NID2: variants seen among roughly 807,000 people sequenced by gnomAD.
NID2 encodes the protein nidogen 2.
NID2 carries 83 observed loss-of-function variants against 145.4 expected under a neutral mutation model. That is an observed-to-expected ratio of 0.57 (90% CI 0.48 to 0.69). The LOEUF (loss-of-function observed/expected upper bound fraction) is 0.69, where lower values mean the gene tolerates loss of function less well. Among genes scored for constraint, NID2 ranks in the 30% least tolerant of loss-of-function variants. The pLI is 0.00. For missense variants in NID2, 1,807 were observed against 1,765.7 expected, an observed-to-expected ratio of 1.02 and a Z score of -0.42; for synonymous variants, 739 against 701.3, an observed-to-expected ratio of 1.05 and a Z score of -0.85.
intron 9 of NID2, among the ~76,000 whole-genome samples, chr14:52,035,846 A>ATT (rs1172988062): frequency 2.3e-5 from 3 of 128,638 alleles, no homozygotes; most frequent in African/African-American, 9.7e-5. Context: ...ACCTGGCTAA[A>ATT]TTTTTTTGTG....
chr14:52,015,229 G>GT lies in NID2; in HGVS notation c.3074dup (p.Asn1025LysfsTer13). On this transcript the variant is annotated frameshift_variant, in exon 15 of 22. Transcript: ENST00000216286. LOFTEE classifies it high-confidence loss of function. ...GGGTGCCACCGTAGTGCTCCAGCAGGTTTTCCCTCCAGCGCTCACAGATGG... is the reference window on the plus strand; with the variant it reads ...GGGTGCCACCGTAGTGCTCCAGCAGGTTTTTCCCTCCAGCGCTCACAGATGG... The GT allele has an allele frequency of 6.2e-7, 1 of 1,613,776 alleles. No homozygotes were observed. The highest frequency in any genetic ancestry group is 8.5e-7 in the Non-Finnish European group (1 of 1,179,690).
At chr14:52,021,068 G>A (rs1357783152) in intron 12 of NID2, among the ~76,000 whole-genome samples, 3 of 151,824 alleles carry the variant, frequency 2.0e-5, no homozygotes, top group African/African-American at 4.8e-5. Flanking sequence ...TAACGCCCAA[G>A]GGATGAGATA....
At chr14:52,043,688 A>G (rs1025323098) in intron 5 of NID2, among the ~76,000 whole-genome samples, 3 of 152,132 alleles carry the variant, frequency 2.0e-5, no homozygotes, top group East Asian at 1.9e-4. Flanking sequence ...TTTCCTACTT[A>G]TTCTGCCCAT....
chr14:52,017,492 C>T (rs981251593), intron 14 of NID2, among the ~76,000 whole-genome samples: 2 of 152,082 alleles, frequency 1.3e-5, no homozygotes, highest in Non-Finnish European at 1.5e-5. Flanking sequence ...ACCCTATTTT[C>T]GTCATTCACT....
At chr14:52,006,352 A>G in intron 20 of NID2, 185 bp downstream of exon 20, 3 of 617,544 alleles carry the variant, frequency 4.9e-6, no homozygotes, top group Non-Finnish European at 8.4e-6. Context: ...TAAAAGGATG[A>G]TTTCAAAAAC....
At chr14:52,017,523 C>A (rs112824593) in intron 14 of NID2, among the ~76,000 whole-genome samples, 5,313 of 151,936 alleles carry the variant, frequency 0.035, 111 homozygotes, top group Middle Eastern at 0.054. Context: ...TTGGTTCCCC[C>A]CCCTTTAAAA....
At chr14:52,010,641 A>G (rs1401918364) in intron 18 of NID2, 7 of 444,090 alleles carry the variant, frequency 1.6e-5, no homozygotes, top group Non-Finnish European at 2.9e-5. Flanking sequence ...ACAGACTAAT[A>G]TTGTTTATAC....
At chr14:52,021,890 G>A (rs986178344) in intron 12 of NID2, among the ~76,000 whole-genome samples, 3 of 152,158 alleles carry the variant, frequency 2.0e-5, no homozygotes, top group African/African-American at 7.2e-5. Flanking sequence ...GGGCAAAACT[G>A]GTGACCATCC....
rs752367669 is a variant in NID2 at position 52,005,820 on chromosome 14, CTATGTT to C, written c.4028_4033del (p.Lys1343_His1344del). On this transcript the variant is annotated inframe_deletion, in exon 21 of 22. Coordinates refer to ENST00000216286, the MANE Select transcript of NID2 (RefSeq NM_007361.4). The stretch of plus-strand genomic sequence containing the variant: ...GAGATACTCATCAGTAAACTGGCCA[CTATGTT>C]TATTTACTGATACAACACCATCCCT... 48 of 1,613,414 alleles carry C rather than the reference CTATGTT, an allele frequency of 3.0e-5. No homozygotes were observed. The highest frequency in any genetic ancestry group is 4.1e-5 in the Non-Finnish European group (48 of 1,179,424).
intron 6 of NID2, 92 bp from the exon 7 acceptor site, chr14:52,042,442 A>T: frequency 7.0e-7 from 1 of 1,431,982 alleles, no homozygotes; most frequent in Non-Finnish European, 9.4e-7. Flanking sequence ...AACTTCCAAA[A>T]CTCACTCTTT....
chr14:52,060,437 A>G (rs533695381), intron 2 of NID2, 81 bp from the exon 3 acceptor site: 4 of 760,296 alleles, frequency 5.3e-6, no homozygotes, highest in Non-Finnish European at 7.8e-6. Context: ...AAAGAAACAG[A>G]ATGCAAGCAA....
At chr14:52,007,725 G>C in intron 19 of NID2, 85 bp downstream of exon 19, 1 of 1,186,486 alleles carries the variant, frequency 8.4e-7, no homozygotes, top group Non-Finnish European at 1.2e-6. Flanking sequence ...CTAAGTGATG[G>C]GATTTCATTT....
At position 52,011,642 on chromosome 14, in the gene NID2, C is replaced by A. The variant is rs750278935; in HGVS notation, c.3462G>T (p.Arg1154Ser). ...CAGCAACATCTGTCCAGTACACCAT[C>A]CTCTCCCGGCAGTCGTAATCAATTC... ...IVGIDYDCRE[R>S]MVYWTDVAGR... The change falls in exon 17 of 22, where the codon AGG (arginine) becomes AGT (serine). Residue 1154 changes from arginine (R) to serine (S), a missense_variant. By Grantham distance (110) the Arg-to-Ser change is moderately radical. Coordinates refer to ENST00000216286, the MANE Select transcript of NID2 (RefSeq NM_007361.4). 3 of 1,614,208 alleles carry A rather than the reference C, an allele frequency of 1.9e-6. No homozygotes were observed. Among genetic ancestry groups the A allele is most frequent in the Non-Finnish European group, 2.5e-6 (3 of 1,180,028 alleles).
chr14:52,011,740 C>T, intron 16 of NID2, 57 bp from the exon 17 acceptor site: 1 of 1,601,914 alleles, frequency 6.2e-7, no homozygotes, highest in Non-Finnish European at 8.5e-7. Flanking sequence ...CCTTTGTTCA[C>T]ACTCAGCTGC....
chr14:52,005,220 A>C lies in NID2; in HGVS notation c.*266T>G. ...TTTTAAATATTAATGATAAATGTTT[A>C]CAAGAAGTTGCTTTAATAAGCAACA... On this transcript the variant is annotated 3_prime_UTR_variant, in exon 22 of 22. Transcript: ENST00000216286. 2.9e-6 allele frequency: 1 copy of C among 348,918 alleles called. No individual in the cohort carries two copies. The highest frequency in any genetic ancestry group is 5.1e-6 in the Non-Finnish European group (1 of 194,202). 21.6% of individuals were successfully genotyped at this position (348,918 alleles called of 1,614,324 possible). A position where few individuals can be genotyped will look rare whatever the true frequency, so the allele number is the denominator to read the frequency against.
intron 16 of NID2, 109 bp downstream of exon 16, chr14:52,014,178 C>G: frequency 1.4e-6 from 2 of 1,424,510 alleles, no homozygotes; most frequent in Non-Finnish European, 2.0e-6. Flanking sequence ...GCTCAGAAAC[C>G]CTCCAGGACT....
chr14:52,011,614 G>C lies in NID2; in HGVS notation c.3490C>G (p.Arg1164Gly), dbSNP rs374865918. 1.9e-6 allele frequency: 3 copies of C among 1,614,158 alleles called. No homozygotes were observed. Among genetic ancestry groups the C allele is most frequent in the Non-Finnish European group, 1.7e-6 (2 of 1,180,012 alleles). Residue 1164 changes from arginine to glycine, a missense_variant, in exon 17 of 22, where the codon CGG becomes GGG. Arg to Gly is a moderately radical substitution (Grantham distance 125). Transcript: ENST00000216286. ...RMVYWTDVAG[R>G]TISRAGLELG... ...TCCAGACCAGCACGGCTGATTGTCC[G>C]TCCAGCAACATCTGTCCAGTACACC...
chr14:52,018,544 G>A (rs1472471290), intron 14 of NID2, among the ~76,000 whole-genome samples: 1 of 152,180 alleles, frequency 6.6e-6, no homozygotes, highest in Non-Finnish European at 1.5e-5. Flanking sequence ...GGTTACAGAG[G>A]GCTGGGATTG....
At chr14:52,058,176 C>A (rs140351213) in intron 3 of NID2, among the ~76,000 whole-genome samples, 1 of 152,150 alleles carries the variant, frequency 6.6e-6, no homozygotes, top group Non-Finnish European at 1.5e-5. Flanking sequence ...TATGACATAA[C>A]GTTTTGTAGC....
Sources: gnomAD v4.1 joint callset for allele counts (sites outside exome capture counted in the v4.1 genomes callset) on GRCh38, gnomAD v4.1.1 for gene constraint, MANE v1.5 for transcripts, NCBI Gene and HGNC (gene_info 2026-07-23, HGNC 2026-07-21) for gene names.